Variants in VAV3 observed in about 807,000 individuals in gnomAD.
VAV3 encodes the protein guanine nucleotide exchange factor VAV3.
Under a neutral mutation model 131.2 loss-of-function variants are expected in VAV3, and 94 were observed. That is an observed-to-expected ratio of 0.72 (90% confidence interval 0.61 to 0.85). The LOEUF (loss-of-function observed/expected upper bound fraction) is 0.85, where lower values mean the gene tolerates loss of function less well. Among genes scored for constraint, VAV3 ranks in the 40% least tolerant of loss-of-function variants. VAV3 has a pLI of 0.00. For synonymous variants in VAV3, 349 were observed against 342.0 expected, an observed-to-expected ratio of 1.02 and a Z score of -0.22; for missense variants, 939 against 1,002.7, an observed-to-expected ratio of 0.94 and a Z score of 0.86.
chr1:107,578,678 G>A (rs1376731838), intron 25 of VAV3: 15 of 577,244 alleles, frequency 2.6e-5, no homozygotes, highest in South Asian at 1.5e-4. Flanking sequence ...ACACGATCTC[G>A]GCTCACTGCA....
rs569768599 is a variant in VAV3 at position 107,642,096 on chromosome 1, ACTCCAT to A, written c.1914+517_1914+522del. ...TGTCAGAGGCGTGTGAACCAGAGCA[ACTCCAT>A]CTTAAATGGGAGCTGGGCAAAATGA... On this transcript the variant is annotated intron_variant, in intron 20 of 26. Coordinates refer to ENST00000370056, the MANE Select transcript of VAV3 (RefSeq NM_006113.5). Among the ~76,000 whole-genome samples, 164 of 152,170 alleles carry A rather than the reference ACTCCAT, an allele frequency of 1.1e-3. 1 individual carries two copies. The highest frequency in any genetic ancestry group is 3.9e-3 in the African/African-American group (160 of 41,516).
intron 21 of VAV3, among the ~76,000 whole-genome samples, chr1:107,615,101 A>G (rs1010859614): frequency 2.0e-5 from 3 of 152,098 alleles, no homozygotes; most frequent in African/African-American, 7.2e-5. Flanking sequence ...GTAATGTAAT[A>G]TAAGACAAAA....
chr1:107,622,597 T>C (rs1653690397), intron 20 of VAV3, among the ~76,000 whole-genome samples: 1 of 152,102 alleles, frequency 6.6e-6, no homozygotes, highest in Non-Finnish European at 1.5e-5. Context: ...GAAACAGATG[T>C]GGAAAGCTGA....
chr1:107,881,040 T>A (rs1156880381), intron 1 of VAV3, among the ~76,000 whole-genome samples: 1 of 152,064 alleles, frequency 6.6e-6, no homozygotes, highest in Non-Finnish European at 1.5e-5. Flanking sequence ...AGCAATGGAG[T>A]CAGGATTCAA....
At chr1:107,596,385 T>C in intron 24 of VAV3, 44 bp from the exon 25 acceptor site, 1 of 1,602,580 alleles carries the variant, frequency 6.2e-7, no homozygotes, top group Non-Finnish European at 8.5e-7. Flanking sequence ...AGGATACTTT[T>C]GTTCTCAAAC....
rs1318483842 is a variant in VAV3 at position 107,609,980 on chromosome 1, A to G, written c.1981-15T>C. 1 of 1,613,144 alleles carries G rather than the reference A, an allele frequency of 6.2e-7. No homozygotes were observed. Among genetic ancestry groups the G allele is most frequent in the South Asian group, 1.1e-5 (1 of 91,040 alleles). ...GGTTTGGGCACCTAGGATATAAAAA[A>G]GCAAAAACAGATTAAGTTTACATAA... On this transcript the variant is annotated splice_polypyrimidine_tract_variant and intron_variant, in intron 21 of 26. Coordinates refer to ENST00000370056, the MANE Select transcript of VAV3 (RefSeq NM_006113.5).
chr1:107,766,420 C>T (rs1664736593), intron 8 of VAV3, 27 bp downstream of exon 8: 1 of 1,483,858 alleles, frequency 6.7e-7, no homozygotes, highest in East Asian at 2.3e-5. Context: ...AAGCTAAGAC[C>T]CACAAAACTT....
chr1:107,781,581 A>G (rs1421029198), intron 2 of VAV3, among the ~76,000 whole-genome samples: 1 of 152,198 alleles, frequency 6.6e-6, no homozygotes, highest in African/African-American at 2.4e-5. Flanking sequence ...AGAAGGGAGC[A>G]AAACTCTTTA....
intron 1 of VAV3, among the ~76,000 whole-genome samples, chr1:107,893,420 A>G (rs2101066284): frequency 6.6e-6 from 1 of 152,264 alleles, no homozygotes; most frequent in East Asian, 1.9e-4. Context: ...GTATTAGCCC[A>G]TTTTCATGCT....
chr1:107,939,557 T>C (rs1673884886), intron 1 of VAV3, among the ~76,000 whole-genome samples: 1 of 152,176 alleles, frequency 6.6e-6, no homozygotes, highest in African/African-American at 2.4e-5. Context: ...TTGGATATAG[T>C]GTTTTTTGGT....
chr1:107,592,860 G>T (rs1651077287), intron 25 of VAV3, among the ~76,000 whole-genome samples: 1 of 152,054 alleles, frequency 6.6e-6, no homozygotes, highest in South Asian at 2.1e-4. Context: ...AAATATACAA[G>T]CCCTACAGGT....
rs562325121 is a variant in VAV3 at position 107,751,029 on chromosome 1, A to G, written c.1259+88T>C. 7 of 1,271,822 alleles carry G rather than the reference A, an allele frequency of 5.5e-6. No individual in the cohort carries two copies. The South Asian group carries it at 6.7e-5, about 12-fold the overall frequency. 78.8% of individuals were successfully genotyped at this position (1,271,822 alleles called of 1,614,324 possible). On this transcript the variant is annotated intron_variant, in intron 13 of 26. Coordinates refer to ENST00000370056, the MANE Select transcript of VAV3 (RefSeq NM_006113.5). ...TTGTATTTCTTCCTTTTTTCCCCCT[A>G]CTTCACACTGGAAAAATTGTCTTTA...
intron 2 of VAV3, among the ~76,000 whole-genome samples, chr1:107,786,490 T>A (rs1479391808): frequency 6.6e-6 from 1 of 152,144 alleles, no homozygotes; most frequent in Non-Finnish European, 1.5e-5. Context: ...AAACATCACT[T>A]ATCAAACAAG....
intron 19 of VAV3, among the ~76,000 whole-genome samples, chr1:107,669,831 A>C (rs1323224903): frequency 2.6e-5 from 4 of 152,228 alleles, no homozygotes; most frequent in African/African-American, 7.2e-5. Context: ...TGGTAATAAA[A>C]AACTCCTTAG....
chr1:107,848,821 A>T lies in VAV3; in HGVS notation c.321+26080T>A, dbSNP rs573285494. Reference sequence around the variant, plus strand: ...AGATGATATGATCGTATATTTAGAAAATTCCATCGTCTCAGTCCAAAATCT... The same window carrying T: ...AGATGATATGATCGTATATTTAGAATATTCCATCGTCTCAGTCCAAAATCT... On this transcript the variant is annotated intron_variant, in intron 2 of 26. Coordinates refer to ENST00000370056, the MANE Select transcript of VAV3 (RefSeq NM_006113.5). 9.8e-5 allele frequency among the ~76,000 whole-genome samples: 15 copies of T among 152,338 alleles called. No homozygotes were observed. In the South Asian group the frequency reaches 2.7e-3, roughly 27 times the overall value.
chr1:107,652,798 C>T (rs1041850251), intron 19 of VAV3, among the ~76,000 whole-genome samples: 1 of 152,012 alleles, frequency 6.6e-6, no homozygotes, highest in East Asian at 1.9e-4. Context: ...TGCTTCTACC[C>T]AACTATCAAT....
At position 107,642,735 on chromosome 1, in the gene VAV3, T is replaced by C. The variant is rs1185265316; in HGVS notation, c.1798A>G (p.Ile600Val). 1.2e-6 allele frequency: 2 copies of C among 1,613,464 alleles called. No homozygotes were observed. The highest frequency in any genetic ancestry group is 1.7e-6 in the Non-Finnish European group (2 of 1,179,602). Residue 600 changes from isoleucine to valine, a missense_variant, in exon 20 of 27, where the codon ATT becomes GTT. Coordinates refer to ENST00000370056, the MANE Select transcript of VAV3 (RefSeq NM_006113.5). The stretch of plus-strand genomic sequence containing the variant: ...GGTGGTGTTCCAGAATAGTTCCTAA[T>C]GACCTGCATCTTTGGTAAACCTGAA... ...VDPGLPKMQV[I>V]RNYSGTPPPA...
intron 1 of VAV3, among the ~76,000 whole-genome samples, chr1:107,943,275 T>C (rs184792047): frequency 6.6e-6 from 1 of 152,354 alleles, no homozygotes; most frequent in Admixed American, 6.5e-5. Flanking sequence ...TTTCTTGGTC[T>C]GCTCTTGATT....
chr1:107,631,348 T>C (rs1050337024), intron 20 of VAV3, among the ~76,000 whole-genome samples: 14 of 152,034 alleles, frequency 9.2e-5, no homozygotes, highest in African/African-American at 3.4e-4. Context: ...AACTGTTCCA[T>C]GGTCCCTACA....
Sources: allele counts gnomAD v4.1 joint callset (sites outside exome capture counted in the v4.1 genomes callset), GRCh38; gene constraint gnomAD v4.1.1; transcripts MANE v1.5; gene names NCBI Gene and HGNC (gene_info 2026-07-23, HGNC 2026-07-21).